Variants in NOX4 observed in about 807,000 individuals in gnomAD.
The protein encoded by NOX4 is kidney oxidase-1.
NOX4 carries 69 observed loss-of-function variants against 87.6 expected under a neutral mutation model. The ratio of observed to expected loss-of-function variants is 0.79; its 90% CI spans 0.65 to 0.96. NOX4 has a LOEUF of 0.96. Among genes scored for constraint, NOX4 ranks in the 40% least tolerant of loss-of-function variants. The pLI is 0.00. For synonymous variants in NOX4, 275 were observed against 238.2 expected, an observed-to-expected ratio of 1.15 and a Z score of -1.42; for missense variants, 680 against 681.5, an observed-to-expected ratio of 1.00 and a Z score of 0.02.
intron 12 of NOX4, among the ~76,000 whole-genome samples, chr11:89,361,046 C>A (rs1397324602): frequency 3.9e-5 from 6 of 152,002 alleles, no homozygotes; most frequent in Admixed American, 3.9e-4. Context: ...CATGGAGATT[C>A]CTTAAAGAAC....
At chr11:89,339,881 C>T (rs1415014272) in intron 15 of NOX4, among the ~76,000 whole-genome samples, 182 bp downstream of exon 15, 1 of 152,042 alleles carries the variant, frequency 6.6e-6, no homozygotes, top group Admixed American at 6.6e-5. Context: ...AGATGTGTGT[C>T]TAATTGCTAA....
At chr11:89,507,916 A>G in the NOX4 span, among the ~76,000 whole-genome samples, 2 of 151,994 alleles carry the variant, frequency 1.3e-5, no homozygotes, top group East Asian at 3.9e-4. Context: ...CATCTAAACA[A>G]ATAGGAATTA....
chr11:89,360,120 A>T (rs920484510), intron 12 of NOX4, among the ~76,000 whole-genome samples: 1 of 152,078 alleles, frequency 6.6e-6, no homozygotes, highest in South Asian at 2.1e-4. Flanking sequence ...TCATACCCCA[A>T]AAAGGGTCAA....
At chr11:89,455,295 C>G (rs2135398649) in intron 2 of NOX4, among the ~76,000 whole-genome samples, 1 of 152,188 alleles carries the variant, frequency 6.6e-6, no homozygotes, top group African/African-American at 2.4e-5. Flanking sequence ...TATATATTAT[C>G]ACAAGGACAT....
intron 13 of NOX4, among the ~76,000 whole-genome samples, chr11:89,344,208 T>C (rs1395654637): frequency 6.6e-6 from 1 of 151,898 alleles, no homozygotes; most frequent in Non-Finnish European, 1.5e-5. Context: ...TTGAAAAATA[T>C]TTGCCTTTTA....
rs1287302342 is a variant in NOX4 at position 89,325,987 on chromosome 11, A to G, written c.*769T>C. ...TATATATCCCTTTATAATTTATAGT[A>G]GGAATATTTTCATTACCATGCAATA... On this transcript the variant is annotated 3_prime_UTR_variant, in exon 18 of 18. Coordinates refer to ENST00000263317, the MANE Select transcript of NOX4 (RefSeq NM_016931.5). 2.0e-5 allele frequency: 3 copies of G among 149,884 alleles called. No individual in the cohort carries two copies. In the East Asian group the frequency reaches 5.8e-4, roughly 29 times the overall value. The allele number at this position is 149,884 out of a possible 1,614,324, so 9.3% of individuals were successfully genotyped here.
chr11:89,429,158 C>A (rs949548824), intron 7 of NOX4, among the ~76,000 whole-genome samples: 1 of 152,050 alleles, frequency 6.6e-6, no homozygotes, highest in Non-Finnish European at 1.5e-5. Flanking sequence ...TCTTTGAAAA[C>A]AATGAGAAAA....
At chr11:89,553,836 G>A in the NOX4 span, among the ~76,000 whole-genome samples, 1 of 150,354 alleles carries the variant, frequency 6.7e-6, no homozygotes, top group African/African-American at 2.4e-5. Flanking sequence ...ATTTATTTTA[G>A]CTAACTGGAA....
chr11:89,571,542 G>T, the NOX4 span, among the ~76,000 whole-genome samples: 3 of 152,004 alleles, frequency 2.0e-5, no homozygotes, highest in African/African-American at 7.2e-5. Context: ...TGATCTGCCC[G>T]CCTGGGCCTC....
intron 4 of NOX4, among the ~76,000 whole-genome samples, chr11:89,444,628 CCT>C (rs1177378528): frequency 6.6e-6 from 1 of 151,956 alleles, no homozygotes; most frequent in African/African-American, 2.4e-5. Flanking sequence ...ACATCTTTCA[CCT>C]CTTCCATAGT....
intron 12 of NOX4, among the ~76,000 whole-genome samples, chr11:89,357,483 G>A (rs1300408254): frequency 1.3e-5 from 2 of 151,932 alleles, no homozygotes; most frequent in Admixed American, 1.3e-4. Flanking sequence ...AATAACCCTT[G>A]GTTTTCAGTC....
intron 7 of NOX4, 110 bp from the exon 8 acceptor site, chr11:89,422,092 A>C: frequency 1.8e-6 from 1 of 568,394 alleles, no homozygotes; most frequent in Non-Finnish European, 3.1e-6. Context: ...AAAAGCTAAA[A>C]CATGAGTACA....
chr11:89,493,721 T>TTTTTTTATTATTA (rs372046431), upstream of NOX4, among the ~76,000 whole-genome samples: 77 of 142,292 alleles, frequency 5.4e-4, 1 homozygote, highest in South Asian at 2.3e-3. Flanking sequence ...GCCAGATTGT[T>TTTTTTTATTATTA]TTATTATTAT....
At chr11:89,415,467 C>CTTCAGTTT (rs751430039) in intron 8 of NOX4, among the ~76,000 whole-genome samples, 32 of 152,026 alleles carry the variant, frequency 2.1e-4, no homozygotes, top group Non-Finnish European at 4.3e-4. Context: ...TGGTTAAAAT[C>CTTCAGTTT]TAGCTTTAAA....
intron 6 of NOX4, among the ~76,000 whole-genome samples, chr11:89,438,976 T>TA (rs1329403486): frequency 1.1e-4 from 11 of 100,940 alleles, no homozygotes; most frequent in South Asian, 5.3e-4. Flanking sequence ...TAATATATAA[T>TA]TATATATTAT....
chr11:89,402,864 A>G (rs1341536646), intron 8 of NOX4, among the ~76,000 whole-genome samples: 2 of 152,180 alleles, frequency 1.3e-5, no homozygotes, highest in East Asian at 1.9e-4. Context: ...TTAGGCATTC[A>G]TACAATCACA....
At chr11:89,401,878 A>G (rs999024002) in intron 9 of NOX4, among the ~76,000 whole-genome samples, 2 of 152,122 alleles carry the variant, frequency 1.3e-5, no homozygotes, top group Non-Finnish European at 2.9e-5. Context: ...TTTTAGCACA[A>G]TGCCTGGCAG....
intron 11 of NOX4, among the ~76,000 whole-genome samples, chr11:89,386,404 C>G (rs568890361): frequency 2.0e-4 from 31 of 152,270 alleles, no homozygotes; most frequent in African/African-American, 7.5e-4. Context: ...CAAACTGCCA[C>G]CCTTAATTCT....
At chr11:89,383,703 C>T (rs1431166037) in intron 11 of NOX4, among the ~76,000 whole-genome samples, 1 of 152,122 alleles carries the variant, frequency 6.6e-6, no homozygotes, top group Non-Finnish European at 1.5e-5. Context: ...TTTATGCACT[C>T]CTTTTAAGTT....
Sources: gnomAD v4.1 joint callset for allele counts (sites outside exome capture counted in the v4.1 genomes callset) on GRCh38, gnomAD v4.1.1 for gene constraint, MANE v1.5 for transcripts, NCBI Gene and HGNC (gene_info 2026-07-23, HGNC 2026-07-21) for gene names.